The following MBP variants were observed in gnomAD, a reference collection of about 807,000 sequenced individuals.
The protein encoded by MBP is myelin basic protein.
A neutral mutation model predicts 35.8 loss-of-function variants in MBP; 16 were observed. That is an observed-to-expected ratio of 0.45 (90% CI 0.30 to 0.68). The LOEUF is 0.68. Among genes scored for constraint, MBP ranks in the 30% least tolerant of loss-of-function variants. The pLI is 0.08. For synonymous variants in MBP, 143 were observed against 159.6 expected, an observed-to-expected ratio of 0.90 and a Z score of 0.78; for missense variants, 380 against 404.7, an observed-to-expected ratio of 0.94 and a Z score of 0.52.
At chr18:77,011,968 C>T (rs758421110) in intron 4 of MBP, among the ~76,000 whole-genome samples, 9 of 152,080 alleles carry the variant, frequency 5.9e-5, no homozygotes, top group Non-Finnish European at 8.8e-5. Flanking sequence ...CCTAATTCAC[C>T]GATCAGAATT....
intron 2 of MBP, among the ~76,000 whole-genome samples, chr18:77,098,171 T>TTC (rs1354160467): frequency 1.4e-5 from 2 of 140,748 alleles, no homozygotes; most frequent in East Asian, 4.1e-4. Flanking sequence ...GGACTTCCTT[T>TTC]TTTTTTTTTT....
chr18:77,012,299 C>T (rs183372322), intron 4 of MBP, among the ~76,000 whole-genome samples: 4 of 152,326 alleles, frequency 2.6e-5, no homozygotes, highest in South Asian at 2.1e-4. Context: ...TGGGCACTGG[C>T]ACCCATGTGC....
chr18:77,126,061 C>T (rs951379718), intron 1 of MBP, among the ~76,000 whole-genome samples: 14 of 152,186 alleles, frequency 9.2e-5, no homozygotes, highest in Admixed American at 3.9e-4. Context: ...GGAACACTTT[C>T]TAACTCATTT....
At chr18:77,092,635 C>G (rs1975582169) in intron 2 of MBP, among the ~76,000 whole-genome samples, 1 of 152,166 alleles carries the variant, frequency 6.6e-6, no homozygotes, top group African/African-American at 2.4e-5. Flanking sequence ...GGCCTCCCCG[C>G]TGGCTGCCAG....
intron 4 of MBP, 53 bp from the exon 5 acceptor site, chr18:76,990,113 T>C: frequency 8.1e-7 from 1 of 1,232,046 alleles, no homozygotes; most frequent in Non-Finnish European, 1.2e-6. Context: ...CCCTGCGGCT[T>C]GTCCTCCTCA....
chr18:77,026,328 CA>C (rs1972222484), intron 3 of MBP, among the ~76,000 whole-genome samples: 1 of 152,230 alleles, frequency 6.6e-6, no homozygotes, highest in South Asian at 2.1e-4. Flanking sequence ...GTTCTAAAGC[CA>C]GGGGTTTTCA....
Position 77,081,961 on chromosome 18 carries a change from C to G in MBP, c.52-15576G>C, listed in dbSNP as rs1416938630. Among the ~76,000 whole-genome samples, 15 of 152,026 alleles carry G rather than the reference C, an allele frequency of 9.9e-5. No individual in the cohort carries two copies. The South Asian group carries it at 3.1e-3, about 32-fold the overall frequency. On this transcript the variant is annotated intron_variant, in intron 2 of 8. Transcript: ENST00000355994. ...CTGCCTCCCGGGTTCACGCCATTCT[C>G]CTGCCTCAGCCTCCCAAGTAGCTGG...
At chr18:77,109,669 CT>C (rs925314029) in intron 1 of MBP, 1 of 152,210 alleles carries the variant, frequency 6.6e-6, no homozygotes, top group African/African-American at 2.4e-5. Flanking sequence ...ACTCCCAAAC[CT>C]GCAAAAATGT....
At chr18:77,123,768 T>C (rs1410241905) in intron 1 of MBP, among the ~76,000 whole-genome samples, 1 of 152,220 alleles carries the variant, frequency 6.6e-6, no homozygotes, top group East Asian at 1.9e-4. Context: ...GAGTTGGGCG[T>C]CCAGCCACCA....
intron 8 of MBP, 88 bp downstream of exon 8, chr18:76,984,687 G>A (rs1167143460): frequency 1.3e-6 from 2 of 1,579,150 alleles, no homozygotes; most frequent in South Asian, 2.2e-5. Context: ...CTGAGCCAGA[G>A]GCGGCAGCCA....
chr18:77,086,020 GACAA>G (rs1004640956), intron 2 of MBP, among the ~76,000 whole-genome samples: 6 of 152,160 alleles, frequency 3.9e-5, no homozygotes, highest in South Asian at 2.1e-4. Context: ...CAGACAGACA[GACAA>G]ACAGAGAGAG....
intron 1 of MBP, among the ~76,000 whole-genome samples, chr18:77,112,195 G>A (rs972792519): frequency 1.3e-4 from 12 of 89,472 alleles, no homozygotes; most frequent in East Asian, 9.5e-4. Flanking sequence ...ACACACGTGC[G>A]CGCGCGGCAA....
chr18:77,103,127 C>T (rs1056336301), intron 2 of MBP, among the ~76,000 whole-genome samples: 1 of 152,178 alleles, frequency 6.6e-6, no homozygotes, highest in African/African-American at 2.4e-5. Flanking sequence ...TATATAGTCA[C>T]CTACTCGCCT....
chr18:77,081,806 G>A (rs79709814), intron 2 of MBP, among the ~76,000 whole-genome samples: 2,167 of 43,526 alleles, frequency 0.05, 36 homozygotes, highest in African/African-American at 0.13. Context: ...ATATATATAT[G>A]CACACACATA....
intron 3 of MBP, among the ~76,000 whole-genome samples, chr18:77,018,225 C>T (rs983500457): frequency 6.6e-6 from 1 of 151,036 alleles, no homozygotes; most frequent in African/African-American, 2.4e-5. Context: ...ATCCATCCCC[C>T]ATCCACTCAT....
intron 4 of MBP, among the ~76,000 whole-genome samples, chr18:77,007,201 C>T (rs1186018687): frequency 1.1e-4 from 16 of 152,248 alleles, no homozygotes; most frequent in Admixed American, 9.8e-4. Flanking sequence ...ATTCCTTCTT[C>T]CGTGGCTGGT....
intron 2 of MBP, among the ~76,000 whole-genome samples, 186 bp downstream of exon 2, chr18:77,105,021 ATAAT>A (rs538139756): frequency 9.6e-5 from 14 of 146,424 alleles, no homozygotes; most frequent in African/African-American, 3.0e-4. Context: ...GAATAAATTA[ATAAT>A]TAATAATCAA....
chr18:77,050,806 A>G (rs1973458314), intron 3 of MBP, among the ~76,000 whole-genome samples: 1 of 152,202 alleles, frequency 6.6e-6, no homozygotes, highest in Non-Finnish European at 1.5e-5. Flanking sequence ...TCGGACTCCC[A>G]AAGTGCTGGG....
chr18:76,987,395 A>G (rs1453192960), intron 7 of MBP: 1 of 985,372 alleles, frequency 1.0e-6, no homozygotes, highest in Non-Finnish European at 1.2e-6. Context: ...TCAAATATGC[A>G]TTAATGGAAA....
Sources: allele counts gnomAD v4.1 joint callset (sites outside exome capture counted in the v4.1 genomes callset), GRCh38; gene constraint gnomAD v4.1.1; transcripts MANE v1.5; gene names NCBI Gene and HGNC (gene_info 2026-07-23, HGNC 2026-07-21).